The following PPFIA3 variants were observed in gnomAD, a reference collection of about 807,000 sequenced individuals.
The protein encoded by PPFIA3 is liprin-alpha-3.
In PPFIA3, 26 loss-of-function variants were observed where a neutral mutation model predicts 145.8. The ratio of observed to expected loss-of-function variants is 0.18; its 90% CI spans 0.13 to 0.25. PPFIA3 has a LOEUF of 0.25. Ranked by LOEUF, PPFIA3 falls within the 10% of genes least tolerant of loss-of-function variation. The pLI is 1.00. For missense variants in PPFIA3, 1,008 were observed against 1,587.8 expected (o/e 0.63, Z 6.21); for synonymous variants, 645 against 661.4 (o/e 0.98, Z 0.38).
chr19:49,133,805 C>T lies in PPFIA3; in HGVS notation c.1171C>T (p.Arg391Cys), dbSNP rs781130967. 1.2e-6 allele frequency: 2 copies of T among 1,613,248 alleles called. No homozygotes were observed. The highest frequency in any genetic ancestry group is 1.7e-6 in the Non-Finnish European group (2 of 1,179,996). ...GGGTTCCATCTCCTAGGCCGAGGAA[C>T]GTCATGGGAATTTTGAGGAGCGGCT... The part of the protein sequence containing the change: ...RVAALNKAEE[R>C]HGNFEERLRQ... The change falls in exon 10 of 30, where the codon CGT (arginine) becomes TGT (cysteine). Residue 391 changes from arginine to cysteine, a missense_variant. Transcript: ENST00000334186. This position sits in a 1 kb window ranked among gnomAD's most constrained non-coding sequence, Gnocchi z 7.2.
rs760746180 is a variant in PPFIA3 at position 49,134,826 on chromosome 19, C to G, written c.1441-10C>G. ...GATTCTAACCCGACACCTCCAACACCGGCCCCCAGGAGCAGCTCTTGGCCG... is the reference window on the plus strand; with the variant it reads ...GATTCTAACCCGACACCTCCAACACGGGCCCCCAGGAGCAGCTCTTGGCCG... On this transcript the variant is annotated splice_polypyrimidine_tract_variant and intron_variant, in intron 12 of 29. Transcript: ENST00000334186. The G allele has an allele frequency of 1.9e-6, 3 of 1,598,926 alleles. No individual in the cohort carries two copies. In the Admixed American group the frequency reaches 5.1e-5, roughly 27 times the overall value.
At chr19:49,143,139 C>T (rs2041243394) in intron 21 of PPFIA3, 135 bp downstream of exon 21, 1 of 983,746 alleles carries the variant, frequency 1.0e-6, no homozygotes, top group African/African-American at 1.6e-5. Context: ...CCCCCTCAGC[C>T]TCCCCTCCAC....
chr19:49,133,988 C>A lies in PPFIA3; in HGVS notation c.1246-46C>A. 2 of 1,604,874 alleles carry A rather than the reference C, an allele frequency of 1.2e-6. No individual in the cohort carries two copies. The highest frequency in any genetic ancestry group is 1.1e-5 in the South Asian group (1 of 89,792). On this transcript the variant is annotated intron_variant, in intron 10 of 29. Transcript: ENST00000334186. This position sits in a 1 kb window ranked among gnomAD's most constrained non-coding sequence, Gnocchi z 7.2. Reference sequence around the variant, plus strand: ...TGGGGCTTAGAGGAAGGGCCGTGGTCTGGGCAGGGTGGGCTTAACAACCCG... The same window carrying A: ...TGGGGCTTAGAGGAAGGGCCGTGGTATGGGCAGGGTGGGCTTAACAACCCG...
At chr19:49,135,676 C>T in intron 13 of PPFIA3, 103 bp from the exon 14 acceptor site, 1 of 1,298,238 alleles carries the variant, frequency 7.7e-7, no homozygotes, top group Non-Finnish European at 1.0e-6. Flanking sequence ...GGCCCCTTGA[C>T]CTTGACTTCA....
Position 49,133,979 on chromosome 19 carries a change from G to T in PPFIA3, c.1246-55G>T. On this transcript the variant is annotated intron_variant, in intron 10 of 29. Transcript: ENST00000334186. This position sits in a 1 kb window ranked among gnomAD's most constrained non-coding sequence, Gnocchi z 7.2. ...GCCCGGGGGTGGGGCTTAGAGGAAG[G>T]GCCGTGGTCTGGGCAGGGTGGGCTT... 6.2e-7 allele frequency: 1 copy of T among 1,604,572 alleles called. No individual in the cohort carries two copies. The highest frequency in any genetic ancestry group is 8.5e-7 in the Non-Finnish European group (1 of 1,175,096).
chr19:49,141,951 G>GTC (rs1386259627), intron 19 of PPFIA3, 83 bp from the exon 20 acceptor site: 2 of 1,003,584 alleles, frequency 2.0e-6, no homozygotes, highest in Non-Finnish European at 3.0e-6. Flanking sequence ...GTGTGTGTGT[G>GTC]TATGTGTGCT....
In PPFIA3 at chr19:49,120,709, A is replaced by G. The variant is rs2040927298; in HGVS notation, c.-16+987A>G. Among the ~76,000 whole-genome samples, 1 of 152,124 alleles carries G rather than the reference A, an allele frequency of 6.6e-6. No homozygotes were observed. Among genetic ancestry groups the G allele is most frequent in the Non-Finnish European group, 1.5e-5 (1 of 68,016 alleles). On this transcript the variant is annotated intron_variant, in intron 1 of 29. Transcript: ENST00000334186. This position sits in a 1 kb window ranked among gnomAD's most constrained non-coding sequence, Gnocchi z 4.6. ...TTGGGGGACCCGGAATGTGATTCTCAATGCAGTTCTCTGACTTCTGTTCAC... is the reference window on the plus strand; with the variant it reads ...TTGGGGGACCCGGAATGTGATTCTCGATGCAGTTCTCTGACTTCTGTTCAC...
chr19:49,146,552 A>G, intron 23 of PPFIA3: 1 of 321,500 alleles, frequency 3.1e-6, no homozygotes. Context: ...TACCAGGGCC[A>G]AGGAGGACAC....
intron 23 of PPFIA3, 68 bp from the exon 24 acceptor site, chr19:49,148,015 A>AC (rs1395710270): frequency 5.4e-6 from 8 of 1,476,672 alleles, no homozygotes; most frequent in Non-Finnish European, 7.4e-6. Flanking sequence ...GTTGGACTGT[A>AC]CCCCTCTCAT....
rs765601847 is a variant in PPFIA3 at position 49,142,890 on chromosome 19, G to A, written c.2631G>A (p.Thr877=). The change falls in exon 21 of 30, where the codon ACG becomes ACA. Residue 877 remains threonine, a synonymous_variant. Transcript: ENST00000334186. The part of the protein sequence containing the change: ...SGAIMANLSD[T]EIQREIGISN... ...CCATCATGGCCAACCTGTCAGACACGGAGATCCAGCGCGAGATCGGCATCA... is the reference window on the plus strand; with the variant it reads ...CCATCATGGCCAACCTGTCAGACACAGAGATCCAGCGCGAGATCGGCATCA... 2.5e-6 allele frequency: 4 copies of A among 1,613,920 alleles called. No homozygotes were observed. The East Asian group carries it at 8.9e-5, about 36-fold the overall frequency.
At chr19:49,139,319 G>C (rs987811041) in intron 16 of PPFIA3, among the ~76,000 whole-genome samples, 45 of 142,308 alleles carry the variant, frequency 3.2e-4, no homozygotes, top group African/African-American at 1.1e-3. Flanking sequence ...GCTAGACTCT[G>C]TCTCAAAAAA....
intron 15 of PPFIA3, among the ~76,000 whole-genome samples, chr19:49,137,628 C>CA (rs3032695): frequency 0.011 from 488 of 43,772 alleles, 72 homozygotes; most frequent in Non-Finnish European, 0.014. Flanking sequence ...GACTCCGTGT[C>CA]AAAAAAAAAA....
intron 18 of PPFIA3, 126 bp from the exon 19 acceptor site, chr19:49,141,294 G>C (rs1445588500): frequency 3.1e-6 from 2 of 650,372 alleles, no homozygotes; most frequent in Non-Finnish European, 5.4e-6. Context: ...TCACTTCCTC[G>C]ATGTGCCCTC....
At position 49,127,845 on chromosome 19, in the gene PPFIA3, T is replaced by C. The variant is rs770388917; in HGVS notation, c.-15-14T>C. 1.3e-6 allele frequency: 2 copies of C among 1,587,828 alleles called. No homozygotes were observed. The highest frequency in any genetic ancestry group is 2.2e-5 in the South Asian group (2 of 89,966). ...GACAAGGCCGGTCTGTTCCTTGCCC[T>C]CCCCGCCCCGCAGGCCCGCACCGCC... On this transcript the variant is annotated splice_polypyrimidine_tract_variant and intron_variant, in intron 1 of 29. Coordinates refer to ENST00000334186, the MANE Select transcript of PPFIA3 (RefSeq NM_003660.4).
At chr19:49,131,405 G>A (rs1461896024) in intron 7 of PPFIA3, among the ~76,000 whole-genome samples, 1 of 145,038 alleles carries the variant, frequency 6.9e-6, no homozygotes, top group African/African-American at 2.6e-5. Context: ...GGCTGGTCTC[G>A]AACTCCTGAC....
intron 21 of PPFIA3, among the ~76,000 whole-genome samples, chr19:49,144,940 T>TC (rs2041264134): frequency 6.7e-6 from 1 of 150,086 alleles, no homozygotes; most frequent in Non-Finnish European, 1.5e-5. Context: ...TTCTTTTTTT[T>TC]TTTTTTTTGA....
intron 1 of PPFIA3, 91 bp from the exon 2 acceptor site, chr19:49,127,768 T>C (rs1004408143): frequency 3.4e-6 from 5 of 1,470,408 alleles, no homozygotes; most frequent in Admixed American, 2.4e-5. Flanking sequence ...CCCCAACTAT[T>C]TCCCCTACGT....
Position 49,149,499 on chromosome 19 carries a change from T to C in PPFIA3, c.3355-48T>C. 6.2e-7 allele frequency: 1 copy of C among 1,608,520 alleles called. No individual in the cohort carries two copies. Among genetic ancestry groups the C allele is most frequent in the Non-Finnish European group, 8.5e-7 (1 of 1,176,978 alleles). ...GGTGGAGTCAAAGGAAGGGGCGGAG[T>C]CAGACAAGGCAGGAGTCCCTCACCG... is the stretch of plus-strand genomic sequence containing the variant. On this transcript the variant is annotated intron_variant, in intron 27 of 29. Coordinates refer to ENST00000334186, the MANE Select transcript of PPFIA3 (RefSeq NM_003660.4). This position sits in a 1 kb window ranked among gnomAD's most constrained non-coding sequence, Gnocchi z 5.7.
intron 12 of PPFIA3, 30 bp from the exon 13 acceptor site, chr19:49,134,806 T>C (rs1456131112): frequency 6.2e-7 from 1 of 1,605,034 alleles, no homozygotes; most frequent in Non-Finnish European, 8.5e-7. Flanking sequence ...GAGCAGATTC[T>C]AACCCGACAC....
Sources: allele counts gnomAD v4.1 joint callset (sites outside exome capture counted in the v4.1 genomes callset), GRCh38; gene constraint gnomAD v4.1.1; non-coding constraint Gnocchi (gnomAD v3.1); transcripts MANE v1.5; gene names NCBI Gene and HGNC (gene_info 2026-07-23, HGNC 2026-07-21).